The following CBLL1 variants were observed in gnomAD, a reference collection of about 807,000 sequenced individuals.
The protein encoded by CBLL1 is Cbl proto-oncogene like 1, also known as E3 ubiquitin-protein ligase Hakai.
CBLL1 carries 4 observed loss-of-function variants against 44.9 expected under a neutral mutation model. The observed-to-expected ratio is 0.09, with a 90% CI of 0.04 to 0.20. CBLL1 has a LOEUF of 0.20. Among genes scored for constraint, CBLL1 ranks in the 10% least tolerant of loss-of-function variants. The pLI, the probability that CBLL1 is intolerant of heterozygous loss-of-function variation, is 1.00. For missense variants in CBLL1, 569 were observed against 636.7 expected, an observed-to-expected ratio of 0.89 and a Z score of 1.14; for synonymous variants, 235 against 202.2, an observed-to-expected ratio of 1.16 and a Z score of -1.38.
intron 5 of CBLL1, among the ~76,000 whole-genome samples, chr7:107,757,782 T>C (rs1050598135): frequency 2.0e-5 from 3 of 152,216 alleles, no homozygotes; most frequent in African/African-American, 7.2e-5. Flanking sequence ...AATTCCATGA[T>C]TGTAAGTAAT....
At chr7:107,755,548 A>T in intron 5 of CBLL1, 57 bp downstream of exon 5, 1 of 1,005,446 alleles carries the variant, frequency 9.9e-7, no homozygotes, top group African/African-American at 1.7e-5. Flanking sequence ...GCAATGATTT[A>T]TAAGTTGGAT....
rs868530952 is a variant in CBLL1 at position 107,758,074 on chromosome 7, A to G, written c.441-69A>G. Reference sequence around the variant, plus strand: ...ACAGTCAAATTTTAAAAACAAGCATATTTTTGAAAATTACATAATTTTTTG... The same window carrying G: ...ACAGTCAAATTTTAAAAACAAGCATGTTTTTGAAAATTACATAATTTTTTG... On this transcript the variant is annotated intron_variant, in intron 5 of 5. Transcript: ENST00000440859. This position sits in a 1 kb window ranked among gnomAD's most constrained non-coding sequence, Gnocchi z 4.2. 2.9e-6 allele frequency: 4 copies of G among 1,386,462 alleles called. No individual in the cohort carries two copies. The Middle Eastern group carries it at 7.8e-4, about 269-fold the overall frequency. The allele number at this position is 1,386,462 out of a possible 1,614,324, so 85.9% of individuals were successfully genotyped here.
intron 2 of CBLL1, 128 bp from the exon 3 acceptor site, chr7:107,753,283 T>C (rs1442876392): frequency 6.7e-6 from 4 of 595,960 alleles, no homozygotes; most frequent in Non-Finnish European, 1.2e-5. Context: ...ATTGTCTTAT[T>C]CTTAGAAAAG....
chr7:107,753,034 C>A (rs977757282), intron 2 of CBLL1, among the ~76,000 whole-genome samples: 1 of 152,140 alleles, frequency 6.6e-6, no homozygotes, highest in Non-Finnish European at 1.5e-5. Flanking sequence ...TGATCAATAT[C>A]TTAAAAATTT....
intron 1 of CBLL1, chr7:107,744,465 C>T: frequency 4.9e-6 from 2 of 411,150 alleles, no homozygotes; most frequent in Non-Finnish European, 8.6e-6. Context: ...GAAGGGAGAG[C>T]CCCGGCTCTG....
At chr7:107,752,341 T>A (rs972825031) in intron 2 of CBLL1, among the ~76,000 whole-genome samples, 7 of 152,174 alleles carry the variant, frequency 4.6e-5, no homozygotes, top group African/African-American at 1.7e-4. Context: ...TGACTTTGGA[T>A]TATACATTCG....
At chr7:107,744,937 A>C (rs948604178) in intron 1 of CBLL1, 49 of 152,282 alleles carry the variant, frequency 3.2e-4, no homozygotes, top group African/African-American at 1.2e-3. Flanking sequence ...TGCCCCATAC[A>C]TTTATAGCGA....
chr7:107,750,061 C>G (rs916225475), intron 2 of CBLL1, among the ~76,000 whole-genome samples: 1 of 151,976 alleles, frequency 6.6e-6, no homozygotes, highest in Admixed American at 6.6e-5. Flanking sequence ...CTTTCCACCT[C>G]AGTCTCCTGA....
intron 2 of CBLL1, among the ~76,000 whole-genome samples, chr7:107,752,911 G>A (rs1258238828): frequency 1.3e-5 from 2 of 152,094 alleles, no homozygotes; most frequent in Non-Finnish European, 1.5e-5. Flanking sequence ...CTAAAGAAGA[G>A]GATAACTTGT....
In CBLL1 at chr7:107,753,445, C is replaced by A; in HGVS notation, c.216C>A (p.Asp72Glu). Residue 72 changes from aspartate (D) to glutamate (E), a missense_variant, in exon 3 of 6, where the codon GAC (aspartate) becomes GAA (glutamate). By Grantham distance (45) the Asp-to-Glu change is conservative. Transcript: ENST00000440859. ...ATTATAATGAAGAAGAACGGTATGA[C>A]TGTAAAGGGGGTGAGCTGTTTGCAA... is the stretch of plus-strand genomic sequence containing the variant. ...GFDYNEEERY[D>E]CKGGELFANQ... The A allele has an allele frequency of 6.3e-7, 1 of 1,588,806 alleles. No homozygotes were observed. Among genetic ancestry groups the A allele is most frequent in the South Asian group, 1.2e-5 (1 of 85,740 alleles).
At chr7:107,756,178 A>G (rs1265359864) in intron 5 of CBLL1, among the ~76,000 whole-genome samples, 1 of 152,200 alleles carries the variant, frequency 6.6e-6, no homozygotes, top group East Asian at 1.9e-4. Context: ...TTGATAAGGA[A>G]GGCTTAAGAA....
At chr7:107,755,663 G>A in intron 5 of CBLL1, 172 bp downstream of exon 5, 1 of 367,702 alleles carries the variant, frequency 2.7e-6, no homozygotes, top group South Asian at 1.0e-4. Flanking sequence ...TTAATATAGG[G>A]CAAGGTAGCC....
chr7:107,754,064 ATGAC>A (rs1187021174), intron 4 of CBLL1, 86 bp downstream of exon 4: 25 of 764,838 alleles, frequency 3.3e-5, no homozygotes, highest in Middle Eastern at 2.5e-4. Context: ...TCATTGTTTA[ATGAC>A]TAAGTTTGCA....
At chr7:107,749,225 T>G (rs1386818646) in intron 2 of CBLL1, 178 bp downstream of exon 2, 2 of 490,676 alleles carry the variant, frequency 4.1e-6, no homozygotes, top group Non-Finnish European at 6.7e-6. Flanking sequence ...TAAATATTTT[T>G]TGATTTGGTT....
At chr7:107,752,213 A>G (rs979662209) in intron 2 of CBLL1, among the ~76,000 whole-genome samples, 19 of 151,782 alleles carry the variant, frequency 1.3e-4, no homozygotes, top group African/African-American at 3.1e-4. Flanking sequence ...AAAAAAAAAA[A>G]AAAGAAAAAT....
At chr7:107,755,821 G>A (rs1477574816) in intron 5 of CBLL1, among the ~76,000 whole-genome samples, 1 of 151,970 alleles carries the variant, frequency 6.6e-6, no homozygotes, top group African/African-American at 2.4e-5. Context: ...AGAATTCCTG[G>A]GTTCGAATCC....
intron 1 of CBLL1, among the ~76,000 whole-genome samples, chr7:107,747,019 C>T (rs1024010912): frequency 1.3e-5 from 2 of 152,180 alleles, no homozygotes; most frequent in African/African-American, 2.4e-5. Flanking sequence ...TAGTCACTTT[C>T]TATGTAATAT....
At position 107,759,556 on chromosome 7, in the gene CBLL1, A is replaced by C. The variant is rs1387412579; in HGVS notation, c.*378A>C. 1 of 163,950 alleles carries C rather than the reference A, an allele frequency of 6.1e-6. No individual in the cohort carries two copies. Among genetic ancestry groups the C allele is most frequent in the Non-Finnish European group, 1.3e-5 (1 of 75,652 alleles). 10.2% of individuals were successfully genotyped at this position (163,950 alleles called of 1,614,324 possible). ...GATACATTTTGTTAACCTGTGTAAA[A>C]GGATTAAATTTCAATATGGTTGTAA... On this transcript the variant is annotated 3_prime_UTR_variant, in exon 6 of 6. Coordinates refer to ENST00000440859, the MANE Select transcript of CBLL1 (RefSeq NM_024814.4).
intron 2 of CBLL1, among the ~76,000 whole-genome samples, chr7:107,751,224 G>A (rs920602035): frequency 1.6e-4 from 24 of 152,016 alleles, no homozygotes; most frequent in African/African-American, 5.8e-4. Context: ...TCTCTTGCAC[G>A]GTTCACAATA....
Sources: gnomAD v4.1 joint callset for allele counts (sites outside exome capture counted in the v4.1 genomes callset) on GRCh38, gnomAD v4.1.1 for gene constraint, Gnocchi (gnomAD v3.1) non-coding constraint, MANE v1.5 for transcripts, NCBI Gene and HGNC (gene_info 2026-07-23, HGNC 2026-07-21) for gene names.